PHF20L1: variants seen among roughly 807,000 people sequenced by gnomAD.
The protein encoded by PHF20L1 is PHD finger protein 20-like protein 1.
PHF20L1 carries 44 observed loss-of-function variants against 125.5 expected under a neutral mutation model. The observed-to-expected ratio is 0.35, with a 90% CI of 0.28 to 0.45. The LOEUF is 0.45. Ranked by LOEUF, PHF20L1 falls within the 20% of genes least tolerant of loss-of-function variation. The pLI is 1.00. For synonymous variants in PHF20L1, 380 were observed against 403.1 expected, an observed-to-expected ratio of 0.94 and a Z score of 0.69; for missense variants, 1,012 against 1,217.2, an observed-to-expected ratio of 0.83 and a Z score of 2.51.
intron 2 of PHF20L1, 86 bp downstream of exon 2, chr8:132,777,997 G>T: frequency 2.4e-6 from 2 of 823,642 alleles, no homozygotes; most frequent in Non-Finnish European, 4.1e-6. Context: ...TCCACTGATG[G>T]TAGCAGAAAC....
chr8:132,815,062 T>C, intron 10 of PHF20L1, 173 bp downstream of exon 10: 1 of 519,212 alleles, frequency 1.9e-6, no homozygotes, highest in Non-Finnish European at 3.4e-6. Flanking sequence ...TCTTACTGAT[T>C]TATTGCTTAG....
chr8:132,795,548 ATATTT>A (rs928882505), intron 4 of PHF20L1, among the ~76,000 whole-genome samples: 9 of 152,146 alleles, frequency 5.9e-5, no homozygotes, highest in African/African-American at 1.4e-4. Context: ...ACATACCTGA[ATATTT>A]TATTCAAATT....
At chr8:132,820,896 T>C (rs1031460872) in intron 12 of PHF20L1, among the ~76,000 whole-genome samples, 22 of 151,952 alleles carry the variant, frequency 1.4e-4, no homozygotes, top group African/African-American at 5.1e-4. Flanking sequence ...TTTTGAGCCA[T>C]TTTAAAAAGT....
At chr8:132,799,422 A>G (rs1832783162) in intron 6 of PHF20L1, 1 of 283,674 alleles carries the variant, frequency 3.5e-6, no homozygotes, top group South Asian at 1.3e-4. Flanking sequence ...CAAAGCAAGA[A>G]TGGATGGTAA....
intron 2 of PHF20L1, among the ~76,000 whole-genome samples, chr8:132,787,635 T>A (rs978907264): frequency 6.6e-6 from 1 of 152,124 alleles, no homozygotes; most frequent in Non-Finnish European, 1.5e-5. Context: ...TTGCTTTCGG[T>A]TTGTTGTTTT....
At chr8:132,804,057 T>A (rs1164295920) in intron 7 of PHF20L1, 25 bp downstream of exon 7, 1 of 1,460,376 alleles carries the variant, frequency 6.8e-7, no homozygotes, top group East Asian at 2.3e-5. Flanking sequence ...CTTACGTTAA[T>A]TCCTTATGAC....
Position 132,844,291 on chromosome 8 carries a change from A to G in PHF20L1, c.2884A>G (p.Met962Val). 1.2e-6 allele frequency: 2 copies of G among 1,611,626 alleles called. No homozygotes were observed. The highest frequency in any genetic ancestry group is 1.7e-6 in the Non-Finnish European group (2 of 1,178,606). The stretch of plus-strand genomic sequence containing the variant: ...TGTGCAGAACGAAGTTACCAGCAGG[A>G]TGGACCTAATAGAAAAAGAAGTCGA... The part of the protein sequence containing the change: ...ENVQNEVTSR[M>V]DLIEKEVDVL... The change falls in exon 20 of 21, where the codon ATG becomes GTG. Residue 962 changes from methionine to valine, a missense_variant. By Grantham distance (21) the Met-to-Val change is conservative. Around this residue, in one of 7 missense-constraint regions of PHF20L1, gnomAD observed 277 missense variants for 283.6 expected, o/e 0.98. Coordinates refer to ENST00000395386, the MANE Select transcript of PHF20L1 (RefSeq NM_016018.5).
chr8:132,803,229 A>T (rs1270320978), intron 6 of PHF20L1, among the ~76,000 whole-genome samples: 2 of 151,708 alleles, frequency 1.3e-5, no homozygotes, highest in East Asian at 1.9e-4. Flanking sequence ...TTTCTTCTTC[A>T]TCAGTATTAT....
At chr8:132,781,470 T>C (rs1830418362) in intron 2 of PHF20L1, among the ~76,000 whole-genome samples, 1 of 152,184 alleles carries the variant, frequency 6.6e-6, no homozygotes, top group Non-Finnish European at 1.5e-5. Flanking sequence ...TGGAATTCAG[T>C]GGCGCAATCT....
At chr8:132,803,570 A>G (rs1833341217) in intron 6 of PHF20L1, 2 of 406,924 alleles carry the variant, frequency 4.9e-6, no homozygotes, top group East Asian at 8.9e-5. Context: ...CTGTGAAAAT[A>G]TATCCATGGA....
chr8:132,797,307 C>T (rs1832514902), intron 4 of PHF20L1, among the ~76,000 whole-genome samples: 1 of 151,906 alleles, frequency 6.6e-6, no homozygotes. Flanking sequence ...CAATTGTGAA[C>T]ATTTAGGCAT....
At chr8:132,795,059 T>C (rs1017893143) in intron 4 of PHF20L1, among the ~76,000 whole-genome samples, 2 of 152,178 alleles carry the variant, frequency 1.3e-5, no homozygotes, top group African/African-American at 4.8e-5. Flanking sequence ...TTTTTCAACT[T>C]TCAATTCACA....
At chr8:132,789,193 C>G (rs1831390174) in intron 2 of PHF20L1, among the ~76,000 whole-genome samples, 1 of 152,096 alleles carries the variant, frequency 6.6e-6, no homozygotes. Context: ...TATAGCTAAC[C>G]TCTTTGGTCA....
Position 132,777,906 on chromosome 8 carries a change from A to G in PHF20L1, c.78A>G (p.Gln26=), listed in dbSNP as rs534681141. ...GTTTGGAGGCACTGGACTACTTACA[A>G]AAATGGTATGGAAAATATAGAACTT... ...GARLEALDYL[Q]KWYPSRIEKI... Residue 26 remains glutamine (Q), a synonymous_variant, in exon 2 of 21, where the codon CAA becomes CAG. Coordinates refer to ENST00000395386, the MANE Select transcript of PHF20L1 (RefSeq NM_016018.5). 4 of 1,596,870 alleles carry G rather than the reference A, an allele frequency of 2.5e-6. No individual in the cohort carries two copies. The South Asian group carries it at 3.3e-5, about 13-fold the overall frequency.
chr8:132,803,120 AC>A (rs1833281473), intron 6 of PHF20L1, among the ~76,000 whole-genome samples: 1 of 151,802 alleles, frequency 6.6e-6, no homozygotes, highest in Admixed American at 6.6e-5. Flanking sequence ...AAATATTTGT[AC>A]CTCAGAAGAA....
chr8:132,786,063 A>G (rs1490572109), intron 2 of PHF20L1, among the ~76,000 whole-genome samples: 1 of 152,106 alleles, frequency 6.6e-6, no homozygotes, highest in Non-Finnish European at 1.5e-5. Context: ...ATACATTGTG[A>G]CTTTTGGATT....
intron 15 of PHF20L1, among the ~76,000 whole-genome samples, chr8:132,832,794 G>A (rs535732957): frequency 2.6e-5 from 4 of 152,204 alleles, no homozygotes; most frequent in Admixed American, 6.5e-5. Context: ...TCTTAACTCC[G>A]TAGATAATGC....
intron 2 of PHF20L1, among the ~76,000 whole-genome samples, chr8:132,783,829 G>T (rs75502656): frequency 7.9e-4 from 120 of 152,154 alleles, no homozygotes; most frequent in African/African-American, 2.8e-3. Flanking sequence ...TACATACTAT[G>T]GTCATAAGTT....
chr8:132,845,021 T>C (rs900429287), intron 20 of PHF20L1, among the ~76,000 whole-genome samples: 2 of 151,956 alleles, frequency 1.3e-5, no homozygotes, highest in Non-Finnish European at 2.9e-5. Flanking sequence ...CTCCTTTTTT[T>C]CCCCCTTGAG....
Sources: allele counts gnomAD v4.1 joint callset (sites outside exome capture counted in the v4.1 genomes callset), GRCh38; gene constraint gnomAD v4.1.1; regional missense constraint gnomAD v4.1.1; transcripts MANE v1.5; gene names NCBI Gene and HGNC (gene_info 2026-07-23, HGNC 2026-07-21).